Variants in STIM1 observed in about 807,000 individuals in gnomAD.
The protein encoded by STIM1 is stromal interaction molecule 1.
In STIM1, 25 loss-of-function variants were observed where a neutral mutation model predicts 74.7. The ratio of observed to expected loss-of-function variants is 0.33; its 90% CI spans 0.24 to 0.47. The LOEUF (loss-of-function observed/expected upper bound fraction) is 0.47. STIM1 is among the 20% of genes least tolerant of loss of function. The pLI is 1.00. For missense variants in STIM1, 728 were observed against 920.8 expected, an observed-to-expected ratio of 0.79 and a Z score of 2.71; for synonymous variants, 328 against 348.8, an observed-to-expected ratio of 0.94 and a Z score of 0.66.
intron 1 of STIM1, among the ~76,000 whole-genome samples, chr11:3,895,117 A>G (rs190865768): frequency 1.3e-5 from 2 of 152,292 alleles, no homozygotes; most frequent in Admixed American, 1.3e-4. Context: ...CTTGGCCAGC[A>G]ATACATTTGT....
intron 2 of STIM1, among the ~76,000 whole-genome samples, chr11:3,978,711 C>T (rs774020524): frequency 4.0e-5 from 6 of 151,870 alleles, no homozygotes; most frequent in East Asian, 2.0e-4. Context: ...TGCAGTGAGC[C>T]GGGATTGTGC....
At chr11:4,026,998 C>A (rs2094003005) in intron 3 of STIM1, among the ~76,000 whole-genome samples, 1 of 152,096 alleles carries the variant, frequency 6.6e-6, no homozygotes, top group Non-Finnish European at 1.5e-5. Flanking sequence ...GCTCAGAGCC[C>A]CAATGTTCTA....
At chr11:3,874,404 A>G (rs1038867841) in intron 1 of STIM1, among the ~76,000 whole-genome samples, 4 of 152,208 alleles carry the variant, frequency 2.6e-5, no homozygotes, top group Admixed American at 6.5e-5. Context: ...TTACACACCT[A>G]TCTTTTGAGG....
intron 1 of STIM1, among the ~76,000 whole-genome samples, chr11:3,962,719 T>C (rs1400027218): frequency 6.6e-6 from 1 of 152,194 alleles, no homozygotes; most frequent in African/African-American, 2.4e-5. Flanking sequence ...GTATTTCCTT[T>C]TCTCTGCATC....
At chr11:3,935,793 G>A (rs889476672) in intron 1 of STIM1, among the ~76,000 whole-genome samples, 4 of 152,220 alleles carry the variant, frequency 2.6e-5, no homozygotes, top group African/African-American at 9.6e-5. Flanking sequence ...AACTGAGGAT[G>A]CCTTTGAGTC....
rs182645913 is a variant in STIM1, at chr11:3,994,597, T to A, written c.270+26915T>A. Among the ~76,000 whole-genome samples, 188 of 151,902 alleles carry A rather than the reference T, an allele frequency of 1.2e-3. 1 individual carries two copies. The highest frequency in any genetic ancestry group is 4.3e-3 in the African/African-American group (179 of 41,438). On this transcript the variant is annotated intron_variant, in intron 2 of 12. Coordinates refer to ENST00000526596, the MANE Select transcript of STIM1 (RefSeq NM_001382567.1). ...TCTCAGCCTCCCCAAGTAGCTGGGA[T>A]CGCAGGCGTACACCACCACACCCGG...
At chr11:4,033,176 G>A (rs1472868434) in intron 3 of STIM1, among the ~76,000 whole-genome samples, 5 of 151,770 alleles carry the variant, frequency 3.3e-5, no homozygotes, top group African/African-American at 1.2e-4. Flanking sequence ...GTAGATATGT[G>A]GCGTTATTTC....
intron 1 of STIM1, among the ~76,000 whole-genome samples, chr11:3,890,548 A>T (rs991885767): frequency 3.3e-5 from 5 of 152,192 alleles, no homozygotes; most frequent in Non-Finnish European, 5.9e-5. Context: ...TTTTAAGCTC[A>T]AAAGGATATT....
intron 3 of STIM1, 93 bp downstream of exon 3, chr11:4,024,080 T>C (rs1236547282): frequency 1.9e-6 from 2 of 1,039,622 alleles, no homozygotes; most frequent in Admixed American, 1.9e-5. Flanking sequence ...GTATATAAAA[T>C]GCTTAGTAAA....
intron 2 of STIM1, among the ~76,000 whole-genome samples, chr11:4,005,070 AAGTC>A (rs2093763575): frequency 2.0e-5 from 3 of 152,224 alleles, no homozygotes; most frequent in African/African-American, 7.2e-5. Context: ...AATCATTAAA[AAGTC>A]AGGAAACAAC....
chr11:3,998,112 G>C (rs1171893159), intron 2 of STIM1, among the ~76,000 whole-genome samples: 1 of 152,080 alleles, frequency 6.6e-6, no homozygotes, highest in African/African-American at 2.4e-5. Context: ...CACACACACA[G>C]ACAGGAGAGC....
chr11:4,048,766 C>CTCTG (rs1293269133), intron 3 of STIM1, among the ~76,000 whole-genome samples: 2 of 151,888 alleles, frequency 1.3e-5, no homozygotes, highest in African/African-American at 4.8e-5. Flanking sequence ...CAGAGTCTCG[C>CTCTG]TCTGTCGCCC....
rs149420849 is a variant in STIM1 at position 4,051,753 on chromosome 11, C to A, written c.386-3773C>A. ...GCTCAATCTCCCAGGCTCAAGTGAT[C>A]CTCCCACCTCAGCCTCCTGAGGAGC... On this transcript the variant is annotated intron_variant, in intron 3 of 12. Coordinates refer to ENST00000526596, the MANE Select transcript of STIM1 (RefSeq NM_001382567.1). Among the ~76,000 whole-genome samples, 534 of 151,976 alleles carry A rather than the reference C, an allele frequency of 3.5e-3. 3 individuals are homozygous for A. Among genetic ancestry groups the A allele is most frequent in the African/African-American group, 0.012 (500 of 41,484 alleles).
intron 3 of STIM1, among the ~76,000 whole-genome samples, chr11:4,030,630 G>A (rs2094042242): frequency 6.6e-6 from 1 of 152,112 alleles, no homozygotes; most frequent in African/African-American, 2.4e-5. Context: ...TCATACAGTT[G>A]GCTTTTTCTT....
intron 3 of STIM1, among the ~76,000 whole-genome samples, chr11:4,037,586 A>G (rs2094114410): frequency 1.3e-5 from 2 of 152,232 alleles, no homozygotes; most frequent in Admixed American, 1.3e-4. Flanking sequence ...TGATAAAAAT[A>G]TAGCTGTCTT....
chr11:3,859,531 G>T (rs1426297092), intron 1 of STIM1, among the ~76,000 whole-genome samples: 1 of 152,208 alleles, frequency 6.6e-6, no homozygotes, highest in Admixed American at 6.5e-5. Flanking sequence ...AGTGTTGGAG[G>T]TATTGAGGGC....
intron 1 of STIM1, among the ~76,000 whole-genome samples, chr11:3,929,165 A>G (rs776212243): frequency 6.6e-6 from 1 of 152,188 alleles, no homozygotes; most frequent in Admixed American, 6.5e-5. Flanking sequence ...TAAATTTTCT[A>G]CAGATGTCCT....
At chr11:3,939,593 A>T (rs2092979622) in intron 1 of STIM1, among the ~76,000 whole-genome samples, 1 of 152,204 alleles carries the variant, frequency 6.6e-6, no homozygotes, top group Non-Finnish European at 1.5e-5. Flanking sequence ...ACCTTGTGAT[A>T]TAGGCAAGAA....
chr11:3,926,841 C>G (rs1347179724), intron 1 of STIM1, among the ~76,000 whole-genome samples: 1 of 152,192 alleles, frequency 6.6e-6, no homozygotes, highest in Non-Finnish European at 1.5e-5. Context: ...GAGCTACCAC[C>G]TTAGAGGCCT....
Sources: gnomAD v4.1 joint callset for allele counts (sites outside exome capture counted in the v4.1 genomes callset) on GRCh38, gnomAD v4.1.1 for gene constraint, MANE v1.5 for transcripts, NCBI Gene and HGNC (gene_info 2026-07-23, HGNC 2026-07-21) for gene names.